Variants in ALOX5 observed in about 807,000 individuals in gnomAD.
The protein encoded by ALOX5 is arachidonate 5-lipoxygenase.
Under a neutral mutation model 87.9 loss-of-function variants are expected in ALOX5, and 64 were observed. The observed-to-expected ratio is 0.73, with a 90% confidence interval of 0.60 to 0.90. The LOEUF (loss-of-function observed/expected upper bound fraction) is 0.90, where lower values mean the gene tolerates loss of function less well. Ranked by LOEUF, ALOX5 falls within the 40% of genes least tolerant of loss-of-function variation. The pLI is 0.00. For missense variants in ALOX5, 822 were observed against 907.5 expected (o/e 0.91, Z 1.21); for synonymous variants, 388 against 355.1 (o/e 1.09, Z -1.04).
chr10:45,427,720 C>T lies in ALOX5; in HGVS notation c.835-898C>T, dbSNP rs55655234. Among the ~76,000 whole-genome samples the T allele has an allele frequency of 3.6e-3, 541 of 152,334 alleles. 3 individuals are homozygous for T. The highest frequency in any genetic ancestry group is 0.012 in the African/African-American group (518 of 41,578). On this transcript the variant is annotated intron_variant, in intron 6 of 13. Transcript: ENST00000374391. ...AGCGGCCATGCCCCCGGCCTAAGCG[C>T]TGCGTTCCCGGCCCAGCAGGCCTAC...
intron 3 of ALOX5, among the ~76,000 whole-genome samples, chr10:45,400,021 A>AAC (rs1357611385): frequency 6.6e-6 from 1 of 152,228 alleles, no homozygotes; most frequent in Non-Finnish European, 1.5e-5. Context: ...GAGAAACTGG[A>AAC]ACCCTGATGC....
intron 2 of ALOX5, among the ~76,000 whole-genome samples, chr10:45,391,734 C>T (rs1056822758): frequency 6.6e-6 from 1 of 151,500 alleles, no homozygotes; most frequent in Non-Finnish European, 1.5e-5. Flanking sequence ...GTGGGGAGCA[C>T]CACTGCCCCA....
chr10:45,394,857 G>A (rs1191199459), intron 2 of ALOX5, among the ~76,000 whole-genome samples: 1 of 152,222 alleles, frequency 6.6e-6, no homozygotes, highest in African/African-American at 2.4e-5. Context: ...ATGAAAAAAT[G>A]CTCATCATCA....
At chr10:45,377,408 C>T (rs1299313838) in intron 1 of ALOX5, among the ~76,000 whole-genome samples, 1 of 151,550 alleles carries the variant, frequency 6.6e-6, no homozygotes, top group African/African-American at 2.4e-5. Context: ...CTGCTCTCTA[C>T]CCTACAACTC....
intron 1 of ALOX5, among the ~76,000 whole-genome samples, chr10:45,382,031 A>G (rs942755721): frequency 6.6e-6 from 1 of 152,246 alleles, no homozygotes; most frequent in Non-Finnish European, 1.5e-5. Flanking sequence ...GTGGCATGGG[A>G]GCCCTCTTAA....
chr10:45,415,629 A>T (rs1245103677), intron 4 of ALOX5, among the ~76,000 whole-genome samples: 2 of 152,224 alleles, frequency 1.3e-5, no homozygotes, highest in Non-Finnish European at 2.9e-5. Flanking sequence ...CCACAGGAAC[A>T]GTTGGTGGAC....
At chr10:45,380,818 T>A (rs1839798740) in intron 1 of ALOX5, among the ~76,000 whole-genome samples, 1 of 152,178 alleles carries the variant, frequency 6.6e-6, no homozygotes, top group South Asian at 2.1e-4. Context: ...GGCAGGTGCC[T>A]GTAGTCCCAG....
intron 2 of ALOX5, among the ~76,000 whole-genome samples, chr10:45,390,761 C>G (rs1840189966): frequency 6.6e-6 from 1 of 152,110 alleles, no homozygotes; most frequent in South Asian, 2.1e-4. Context: ...AATTGACACC[C>G]TAACATCACA....
At chr10:45,427,046 A>G (rs1414824526) in intron 6 of ALOX5, among the ~76,000 whole-genome samples, 1 of 152,156 alleles carries the variant, frequency 6.6e-6, no homozygotes, top group Admixed American at 6.5e-5. Flanking sequence ...GACAGGCAAA[A>G]ACTCCACTGT....
chr10:45,389,281 G>C (rs957805436), intron 2 of ALOX5, among the ~76,000 whole-genome samples: 6 of 152,198 alleles, frequency 3.9e-5, no homozygotes, highest in African/African-American at 9.7e-5. Flanking sequence ...AGGATATTAT[G>C]CAGGAGAACT....
intron 3 of ALOX5, among the ~76,000 whole-genome samples, chr10:45,398,931 A>C (rs952609237): frequency 2.6e-5 from 4 of 152,236 alleles, no homozygotes; most frequent in Non-Finnish European, 5.9e-5. Context: ...AGAGAGTTAC[A>C]ATATGACAGC....
chr10:45,416,516 A>G lies in ALOX5; in HGVS notation c.554+4203A>G, dbSNP rs115451825. 2.3e-3 allele frequency among the ~76,000 whole-genome samples: 352 copies of G among 152,350 alleles called. 2 individuals carry two copies. Among genetic ancestry groups the G allele is most frequent in the African/African-American group, 7.9e-3 (330 of 41,580 alleles). On this transcript the variant is annotated intron_variant, in intron 4 of 13. Transcript: ENST00000374391. ...CAAAGCCATGTAGCTTTAGTGGGAT[A>G]GGTCCCAGACCAGGATGGGACAGGC...
intron 9 of ALOX5, among the ~76,000 whole-genome samples, chr10:45,442,458 G>GC (rs1360325684): frequency 6.6e-6 from 1 of 152,228 alleles, no homozygotes; most frequent in African/African-American, 2.4e-5. Flanking sequence ...CGACAGCCCA[G>GC]CCCCCTGGGT....
At position 45,442,715 on chromosome 10, in the gene ALOX5, C is replaced by A. The variant is rs1564450289; in HGVS notation, c.1273-323C>A. On this transcript the variant is annotated intron_variant, in intron 9 of 13. Transcript: ENST00000374391. ...ACTAGAGCAGACTTCACAGCCCAGG[C>A]CCGCTGGTGCTGGGGTCCCCCACAC... 5 of 350,900 alleles carry A rather than the reference C, an allele frequency of 1.4e-5. No homozygotes were observed. The South Asian group carries it at 2.5e-4, about 18-fold the overall frequency. 21.7% of individuals were successfully genotyped at this position (350,900 alleles called of 1,614,324 possible).
intron 1 of ALOX5, among the ~76,000 whole-genome samples, chr10:45,378,886 A>G (rs370957106): frequency 1.2e-3 from 189 of 152,254 alleles, no homozygotes; most frequent in African/African-American, 4.2e-3. Flanking sequence ...CTGCTGTGGA[A>G]GTCCCTGTCA....
At chr10:45,423,947 G>A in intron 4 of ALOX5, 94 bp from the exon 5 acceptor site, 1 of 953,726 alleles carries the variant, frequency 1.0e-6, no homozygotes, top group Non-Finnish European at 1.7e-6. Flanking sequence ...GAGGGGGCGG[G>A]GGTTGTGAGG....
chr10:45,425,164 G>C lies in ALOX5; in HGVS notation c.834+32G>C. 1 of 1,600,616 alleles carries C rather than the reference G, an allele frequency of 6.2e-7. No individual in the cohort carries two copies. Among genetic ancestry groups the C allele is most frequent in the Non-Finnish European group, 8.5e-7 (1 of 1,172,122 alleles). ...GTTGATGGGCTGGGGAAGTGGCCAA[G>C]GTCACAGTCTGTCAGGTGGAAGCCA... On this transcript the variant is annotated intron_variant, in intron 6 of 13. Coordinates refer to ENST00000374391, the MANE Select transcript of ALOX5 (RefSeq NM_000698.5). This position sits in a 1 kb window ranked among gnomAD's most constrained non-coding sequence, Gnocchi z 4.4.
intron 3 of ALOX5, among the ~76,000 whole-genome samples, chr10:45,405,389 T>G (rs1840840081): frequency 6.6e-6 from 1 of 152,250 alleles, no homozygotes; most frequent in African/African-American, 2.4e-5. Context: ...GTGGTTGTTT[T>G]AGTCTGCACT....
chr10:45,412,795 G>A (rs540655625), intron 4 of ALOX5, among the ~76,000 whole-genome samples: 3 of 152,292 alleles, frequency 2.0e-5, no homozygotes, highest in East Asian at 1.9e-4. Context: ...TGAGGAATAC[G>A]GAGGTTGACT....
Sources: allele counts gnomAD v4.1 joint callset (sites outside exome capture counted in the v4.1 genomes callset), GRCh38; gene constraint gnomAD v4.1.1; non-coding constraint Gnocchi (gnomAD v3.1); transcripts MANE v1.5; gene names NCBI Gene and HGNC (gene_info 2026-07-23, HGNC 2026-07-21).